The following ZNF521 variants were observed in gnomAD, a reference collection of about 807,000 sequenced individuals.
ZNF521 encodes LYST-interacting protein 3.
In ZNF521, 14 loss-of-function variants were observed where a neutral mutation model predicts 105.5. That is an observed-to-expected ratio of 0.13 (90% CI 0.09 to 0.21). The LOEUF is 0.21. Ranked by LOEUF, ZNF521 falls within the 10% of genes least tolerant of loss-of-function variation. The pLI, the probability that ZNF521 is intolerant of heterozygous loss-of-function variation, is 1.00. For missense variants in ZNF521, 1,233 were observed against 1,629.7 expected (o/e 0.76, Z 4.19); for synonymous variants, 635 against 606.0 (o/e 1.05, Z -0.70).
chr18:25,170,086 C>G (rs962819222), intron 5 of ZNF521, among the ~76,000 whole-genome samples: 11 of 151,730 alleles, frequency 7.2e-5, no homozygotes, highest in African/African-American at 2.4e-4. Context: ...CTCAGTTAAG[C>G]TGCAGATGTT....
At chr18:25,131,462 A>C (rs2034639593) in intron 5 of ZNF521, among the ~76,000 whole-genome samples, 1 of 152,110 alleles carries the variant, frequency 6.6e-6, no homozygotes, top group Non-Finnish European at 1.5e-5. Context: ...TTCCTAACGA[A>C]GTGTCCCCTA....
At chr18:25,081,057 G>A (rs1313030482) in intron 7 of ZNF521, among the ~76,000 whole-genome samples, 3 of 150,540 alleles carry the variant, frequency 2.0e-5, no homozygotes, top group Non-Finnish European at 4.4e-5. Flanking sequence ...GGCTGTCTTG[G>A]CGACATGGAA....
chr18:25,254,972 A>C (rs529300798), intron 3 of ZNF521, among the ~76,000 whole-genome samples: 1 of 152,182 alleles, frequency 6.6e-6, no homozygotes, highest in African/African-American at 2.4e-5. Flanking sequence ...AATTTGCTAC[A>C]TTGTGGAAAG....
At chr18:25,246,463 A>T (rs1385986488) in intron 3 of ZNF521, among the ~76,000 whole-genome samples, 2 of 152,008 alleles carry the variant, frequency 1.3e-5, no homozygotes, top group East Asian at 3.9e-4. Context: ...TTTTTGTTTG[A>T]TCCTATTTTC....
At chr18:25,348,243 G>C (rs1914548520) in intron 2 of ZNF521, among the ~76,000 whole-genome samples, 1 of 152,038 alleles carries the variant, frequency 6.6e-6, no homozygotes, top group Admixed American at 6.5e-5. Flanking sequence ...GTGACCTTCT[G>C]AATGATATAA....
At chr18:25,103,942 T>C (rs991675755) in intron 5 of ZNF521, among the ~76,000 whole-genome samples, 3 of 152,204 alleles carry the variant, frequency 2.0e-5, no homozygotes, top group Admixed American at 6.5e-5. Flanking sequence ...CTGGGTATTT[T>C]TGCTATGTCA....
At chr18:25,209,516 G>A (rs2036141674) in intron 4 of ZNF521, among the ~76,000 whole-genome samples, 1 of 152,170 alleles carries the variant, frequency 6.6e-6, no homozygotes, top group African/African-American at 2.4e-5. Context: ...TAAATACTGT[G>A]TATGTGATTC....
chr18:25,268,927 C>T (rs535787099), intron 3 of ZNF521, among the ~76,000 whole-genome samples: 7 of 151,954 alleles, frequency 4.6e-5, no homozygotes, highest in Non-Finnish European at 8.8e-5. Flanking sequence ...TCACACATAA[C>T]AATATTAACC....
chr18:25,122,497 A>T (rs1236165023), intron 5 of ZNF521, among the ~76,000 whole-genome samples: 3 of 152,222 alleles, frequency 2.0e-5, no homozygotes, highest in Non-Finnish European at 2.9e-5. Flanking sequence ...CTACCTGGAA[A>T]TGTCTAATAT....
intron 7 of ZNF521, among the ~76,000 whole-genome samples, chr18:25,088,203 A>G (rs2033665016): frequency 6.6e-6 from 1 of 151,916 alleles, no homozygotes; most frequent in Non-Finnish European, 1.5e-5. Context: ...ATAACAGAAT[A>G]ATTTTCTTTT....
intron 2 of ZNF521, among the ~76,000 whole-genome samples, chr18:25,333,665 C>T (rs370433441): frequency 2.6e-5 from 4 of 152,140 alleles, no homozygotes; most frequent in African/African-American, 9.7e-5. Context: ...GACAACCTAT[C>T]CCTGCAATGG....
chr18:25,088,445 T>G (rs2033674441), intron 7 of ZNF521, among the ~76,000 whole-genome samples: 1 of 151,976 alleles, frequency 6.6e-6, no homozygotes, highest in Non-Finnish European at 1.5e-5. Context: ...GGTATCGATC[T>G]CCTGACCTCG....
intron 3 of ZNF521, among the ~76,000 whole-genome samples, chr18:25,299,237 A>G (rs985129781): frequency 6.6e-6 from 1 of 152,220 alleles, no homozygotes; most frequent in Non-Finnish European, 1.5e-5. Context: ...TACACAGAAT[A>G]CTAACATGTA....
chr18:25,244,157 G>A (rs749948218), intron 3 of ZNF521, among the ~76,000 whole-genome samples: 8 of 151,926 alleles, frequency 5.3e-5, no homozygotes, highest in Non-Finnish European at 7.4e-5. Flanking sequence ...TAGCCATCCT[G>A]CTCCACCAGA....
At chr18:25,068,208 T>C (rs1449508610) in intron 7 of ZNF521, among the ~76,000 whole-genome samples, 5 of 152,158 alleles carry the variant, frequency 3.3e-5, no homozygotes, top group African/African-American at 9.7e-5. Context: ...TAAAGAAATA[T>C]AAAGATTAAA....
intron 3 of ZNF521, among the ~76,000 whole-genome samples, chr18:25,258,972 C>A (rs558695109): frequency 6.6e-6 from 1 of 152,164 alleles, no homozygotes; most frequent in South Asian, 2.1e-4. Context: ...TGTGTCATGT[C>A]ATTTACACTT....
At chr18:25,311,769 C>A (rs531884217) in intron 3 of ZNF521, among the ~76,000 whole-genome samples, 1 of 152,214 alleles carries the variant, frequency 6.6e-6, no homozygotes, top group South Asian at 2.1e-4. Flanking sequence ...GCAAATGAAT[C>A]CTGAAACCAC....
chr18:25,086,797 G>A lies in ZNF521; in HGVS notation c.3906+2668C>T, dbSNP rs147066049. Among the ~76,000 whole-genome samples, 12 of 152,174 alleles carry A rather than the reference G, an allele frequency of 7.9e-5. No homozygotes were observed. The East Asian group carries it at 9.6e-4, about 12-fold the overall frequency. Reference sequence around the variant, plus strand: ...GGCCCAGATCACAATTTGTATGAGCGAGTCAGAAATGTTTTGGTAGATGTT... The same window carrying A: ...GGCCCAGATCACAATTTGTATGAGCAAGTCAGAAATGTTTTGGTAGATGTT... On this transcript the variant is annotated intron_variant, in intron 7 of 7. Coordinates refer to ENST00000361524, the MANE Select transcript of ZNF521 (RefSeq NM_015461.3).
At chr18:25,290,137 T>C (rs780107925) in intron 3 of ZNF521, among the ~76,000 whole-genome samples, 42 of 152,210 alleles carry the variant, frequency 2.8e-4, no homozygotes, top group Admixed American at 1.9e-3. Flanking sequence ...ATAGCAGCTA[T>C]GGAAAAGCAG....
Sources: gnomAD v4.1 joint callset for allele counts (sites outside exome capture counted in the v4.1 genomes callset) on GRCh38, gnomAD v4.1.1 for gene constraint, MANE v1.5 for transcripts, NCBI Gene and HGNC (gene_info 2026-07-23, HGNC 2026-07-21) for gene names.